ATP2B2: variants seen among roughly 807,000 people sequenced by gnomAD.
ATP2B2 encodes the protein plasma membrane calcium-transporting ATPase 2.
A neutral mutation model predicts 120.0 loss-of-function variants in ATP2B2; 15 were observed. The observed-to-expected ratio is 0.12, with a 90% CI of 0.08 to 0.19. ATP2B2 has a LOEUF of 0.19. Ranked by LOEUF, ATP2B2 falls within the 10% of genes least tolerant of loss-of-function variation. The pLI is 1.00. For missense variants in ATP2B2, 1,045 were observed against 1,719.8 expected (o/e 0.61, Z 6.94); for synonymous variants, 694 against 700.3 (o/e 0.99, Z 0.14).
chr3:10,545,432 A>G (rs1215206632), intron 2 of ATP2B2, among the ~76,000 whole-genome samples: 1 of 152,080 alleles, frequency 6.6e-6, no homozygotes, highest in East Asian at 1.9e-4. Flanking sequence ...GGGAGGCTGC[A>G]GCGAGAGAAT....
chr3:10,451,815 C>G (rs1001369471), intron 1 of ATP2B2, among the ~76,000 whole-genome samples: 1 of 152,198 alleles, frequency 6.6e-6, no homozygotes, highest in South Asian at 2.1e-4. Flanking sequence ...TTGACCCCAA[C>G]AATGTATTCC....
In ATP2B2 at chr3:10,378,357, C is replaced by T; in HGVS notation, c.1096G>A (p.Glu366Lys). The T allele has an allele frequency of 6.2e-7, 1 of 1,606,376 alleles. No homozygotes were observed. Among genetic ancestry groups the T allele is most frequent in the Non-Finnish European group, 8.5e-7 (1 of 1,179,990 alleles). ...TTCCTGTCGTCAGCGTCGCCGCCCT[C>T]GGCACTCTTGAGGGGCTGCATCTCC... ...AMEMQPLKSA[E>K]GGDADDRKKA... The change falls in exon 10 of 23, where the codon GAG becomes AAG. Residue 366 changes from glutamate (E) to lysine (K), a missense_variant. Physicochemically the swap from Glu to Lys is moderately conservative, Grantham distance 56 (BLOSUM62 1). Transcript: ENST00000360273.
At chr3:10,377,074 G>GGCTGTGAACCCAGGAGTGCTTT (rs2061401425) in intron 10 of ATP2B2, among the ~76,000 whole-genome samples, 2 of 152,224 alleles carry the variant, frequency 1.3e-5, no homozygotes, top group Non-Finnish European at 2.9e-5. Flanking sequence ...AGGAGTGCTT[G>GGCTGTGAACCCAGGAGTGCTTT]ACTGTGAACT....
chr3:10,328,492 G>A lies in ATP2B2; in HGVS notation c.*322C>T, dbSNP rs189991789. On this transcript the variant is annotated 3_prime_UTR_variant, in exon 23 of 23. Coordinates refer to ENST00000360273, the MANE Select transcript of ATP2B2 (RefSeq NM_001001331.4). ...TTGAAAGTGTACAGTACATTCATGC[G>A]GGGGACGTGGTGGCTGGGCGGGTGC... The A allele has an allele frequency of 3.0e-5, 11 of 369,246 alleles. No individual in the cohort carries two copies. Among genetic ancestry groups the A allele is most frequent in the African/African-American group, 1.4e-4 (7 of 48,668 alleles). 22.9% of individuals were successfully genotyped at this position (369,246 alleles called of 1,614,324 possible). A position where few individuals can be genotyped will look rare whatever the true frequency, so the allele number is the denominator to read the frequency against.
At chr3:10,357,795 T>C (rs1220799000) in intron 14 of ATP2B2, among the ~76,000 whole-genome samples, 1 of 152,148 alleles carries the variant, frequency 6.6e-6, no homozygotes, top group Non-Finnish European at 1.5e-5. Context: ...GGCCTCACAG[T>C]GTGAGCTGAC....
chr3:10,484,546 T>A (rs933168688), intron 1 of ATP2B2, among the ~76,000 whole-genome samples: 2 of 152,082 alleles, frequency 1.3e-5, no homozygotes, highest in Non-Finnish European at 2.9e-5. Context: ...CTGTATGAGT[T>A]CCTCACGGCC....
chr3:10,457,573 A>T (rs901293228), intron 1 of ATP2B2, among the ~76,000 whole-genome samples: 49 of 151,262 alleles, frequency 3.2e-4, no homozygotes, highest in African/African-American at 6.3e-4. Context: ...TGTGTGTGAG[A>T]GAGAGAGAGA....
At chr3:10,670,072 C>T (rs77881223) in intron 1 of ATP2B2, among the ~76,000 whole-genome samples, 6,716 of 152,194 alleles carry the variant, frequency 0.044, 166 homozygotes, top group East Asian at 0.079. Context: ...TTGAGAGGCA[C>T]GTTTGACAGG....
chr3:10,695,251 G>GGAGA (rs140200422), intron 1 of ATP2B2, among the ~76,000 whole-genome samples: 4,767 of 126,906 alleles, frequency 0.038, 112 homozygotes, highest in Middle Eastern at 0.088. Context: ...AGGGAGGGAG[G>GGAGA]GAGAGAGAGA....
intron 1 of ATP2B2, among the ~76,000 whole-genome samples, chr3:10,667,802 C>T (rs11718483): frequency 0.028 from 4,250 of 152,250 alleles, 78 homozygotes; most frequent in South Asian, 0.088. Flanking sequence ...CAGGCAGACA[C>T]GAACTGGTGG....
intron 1 of ATP2B2, among the ~76,000 whole-genome samples, chr3:10,681,077 T>C (rs187997342): frequency 1.3e-5 from 2 of 152,302 alleles, no homozygotes; most frequent in Admixed American, 1.3e-4. Context: ...CCCTTTCACT[T>C]TCCGCCATGA....
In ATP2B2 at chr3:10,329,040, G is replaced by T. The variant is rs1291305538; in HGVS notation, c.3506C>A (p.Ala1169Asp). 1 of 1,613,976 alleles carries T rather than the reference G, an allele frequency of 6.2e-7. No homozygotes were observed. The highest frequency in any genetic ancestry group is 1.3e-5 in the African/African-American group (1 of 74,882). ...ATCTTCGATCCGGAATTCAGGATGA[G>T]CCATGAAGTTATGGATGGAGGTTCG... ...ESRTSIHNFM[A>D]HPEFRIEDSQ... Residue 1169 changes from alanine (A) to aspartate (D), a missense_variant, in exon 23 of 23, where the codon GCT becomes GAT. Physicochemically the swap from Ala to Asp is moderately radical, Grantham distance 126. This residue lies in a region of ATP2B2 where 211 missense variants were observed against 385.1 expected (regional missense o/e 0.55). Transcript: ENST00000360273. This position sits in a 1 kb window ranked among gnomAD's most constrained non-coding sequence, Gnocchi z 5.9.
chr3:10,514,890 G>A (rs2066845817), intron 3 of ATP2B2, among the ~76,000 whole-genome samples: 1 of 152,230 alleles, frequency 6.6e-6, no homozygotes, highest in Non-Finnish European at 1.5e-5. Context: ...CCAGGGGGTT[G>A]GAAGAGCACT....
intron 2 of ATP2B2, among the ~76,000 whole-genome samples, chr3:10,566,969 C>T (rs2068022699): frequency 6.6e-6 from 1 of 152,202 alleles, no homozygotes; most frequent in African/African-American, 2.4e-5. Flanking sequence ...AGACATCCGA[C>T]ACTGTGCCAG....
chr3:10,428,408 T>C (rs995980666), intron 2 of ATP2B2, among the ~76,000 whole-genome samples: 12 of 152,222 alleles, frequency 7.9e-5, no homozygotes, highest in African/African-American at 2.9e-4. Flanking sequence ...TATTACCCTC[T>C]CCTGCCTTGT....
intron 2 of ATP2B2, among the ~76,000 whole-genome samples, chr3:10,536,826 C>G (rs900694748): frequency 1.3e-5 from 2 of 152,220 alleles, no homozygotes; most frequent in African/African-American, 4.8e-5. Context: ...CCACACCCAG[C>G]CTCTTACTTT....
rs2063322662 is a variant in ATP2B2 at position 10,431,746 on chromosome 3, CTT to C, written c.199+17597_199+17598del. On this transcript the variant is annotated intron_variant, in intron 2 of 22. Transcript: ENST00000360273. The stretch of plus-strand genomic sequence containing the variant: ...CAAGAAACATCTACTGAATGAATAA[CTT>C]AAAAAAAAAAAAAGGATTTCCCAGT... Among the ~76,000 whole-genome samples, 3 of 147,244 alleles carry C rather than the reference CTT, an allele frequency of 2.0e-5. 1 individual carries two copies. In the South Asian group the frequency reaches 6.4e-4, roughly 31 times the overall value.
chr3:10,518,503 C>G (rs957410325), intron 3 of ATP2B2, among the ~76,000 whole-genome samples: 1 of 152,174 alleles, frequency 6.6e-6, no homozygotes, highest in Non-Finnish European at 1.5e-5. Context: ...TCTGGGGGTG[C>G]CAGCATGCCC....
At chr3:10,490,779 G>C (rs1193220321) in intron 1 of ATP2B2, among the ~76,000 whole-genome samples, 1 of 152,148 alleles carries the variant, frequency 6.6e-6, no homozygotes, top group African/African-American at 2.4e-5. Flanking sequence ...AGCTGACCTG[G>C]GCCTCCTGCA....
Sources: gnomAD v4.1 joint callset for allele counts (sites outside exome capture counted in the v4.1 genomes callset) on GRCh38, gnomAD v4.1.1 for gene constraint, gnomAD v4.1.1 regional missense constraint, Gnocchi (gnomAD v3.1) non-coding constraint, MANE v1.5 for transcripts, NCBI Gene and HGNC (gene_info 2026-07-23, HGNC 2026-07-21) for gene names.